The following PROS1 variants were observed in gnomAD, a reference collection of about 807,000 sequenced individuals.
PROS1 encodes protein S, also known as vitamin K-dependent protein S.
A neutral mutation model predicts 75.9 loss-of-function variants in PROS1; 29 were observed. The ratio of observed to expected loss-of-function variants is 0.38; its 90% CI spans 0.28 to 0.52. The LOEUF (loss-of-function observed/expected upper bound fraction) is 0.52, where lower values mean the gene tolerates loss of function less well. PROS1 is among the 20% of genes least tolerant of loss of function. PROS1 has a pLI of 0.83. For synonymous variants in PROS1, 245 were observed against 280.6 expected, an observed-to-expected ratio of 0.87 and a Z score of 1.27; for missense variants, 680 against 810.3, an observed-to-expected ratio of 0.84 and a Z score of 1.95.
intron 3 of PROS1, among the ~76,000 whole-genome samples, chr3:93,919,925 T>G (rs908290505): frequency 7.9e-5 from 12 of 152,346 alleles, no homozygotes; most frequent in Admixed American, 7.8e-4. Context: ...TTCAGTTTCA[T>G]GTTCTGAAAA....
intron 1 of PROS1, among the ~76,000 whole-genome samples, chr3:93,956,557 C>A (rs866864806): frequency 5.2e-4 from 41 of 78,206 alleles, no homozygotes; most frequent in South Asian, 8.2e-4. Flanking sequence ...CACACACACA[C>A]ACACAAACAC....
rs145838801 is a variant in PROS1 at position 93,891,513 on chromosome 3, C to T, written c.1155+1420G>A. 5.8e-3 allele frequency among the ~76,000 whole-genome samples: 876 copies of T among 152,174 alleles called. 6 individuals carry two copies. Among genetic ancestry groups the T allele is most frequent in the African/African-American group, 0.019 (808 of 41,542 alleles). On this transcript the variant is annotated intron_variant, in intron 10 of 14. Coordinates refer to ENST00000394236, the MANE Select transcript of PROS1 (RefSeq NM_000313.4). ...CGTGATCTCGGCTCACTGCAACCTC[C>T]GCCTCCTGGGTTTAAATGATTCTCC...
intron 3 of PROS1, among the ~76,000 whole-genome samples, chr3:93,917,151 T>G (rs1325693171): frequency 2.0e-5 from 3 of 152,232 alleles, no homozygotes. Context: ...CGCTGGTGTT[T>G]GAAAATCCCA....
At chr3:93,898,590 G>C (rs774781117) in intron 7 of PROS1, 21 bp from the exon 8 acceptor site, 1 of 1,610,014 alleles carries the variant, frequency 6.2e-7, no homozygotes, top group Admixed American at 1.7e-5. Flanking sequence ...AAAAACACAC[G>C]CACACAAACT....
intron 11 of PROS1, 68 bp from the exon 12 acceptor site, chr3:93,884,964 G>T: frequency 7.6e-7 from 1 of 1,310,970 alleles, no homozygotes; most frequent in Non-Finnish European, 1.1e-6. Flanking sequence ...TATGAGTATA[G>T]GTTTTCATTA....
chr3:93,886,980 G>A (rs892135015), intron 10 of PROS1, among the ~76,000 whole-genome samples: 2 of 149,870 alleles, frequency 1.3e-5, no homozygotes, highest in African/African-American at 4.9e-5. Flanking sequence ...CTGCAGTGGC[G>A]CAATCTCGGC....
intron 12 of PROS1, among the ~76,000 whole-genome samples, chr3:93,884,095 T>G (rs1041881299): frequency 2.6e-5 from 4 of 152,196 alleles, no homozygotes; most frequent in African/African-American, 4.8e-5. Context: ...ATGTGCTCAT[T>G]TCCAGACACA....
chr3:93,907,981 T>A (rs1009698354), intron 4 of PROS1, among the ~76,000 whole-genome samples: 4 of 151,814 alleles, frequency 2.6e-5, no homozygotes, highest in Non-Finnish European at 5.9e-5. Context: ...AACCCTGTCT[T>A]TACGAAAAAT....
intron 1 of PROS1, 113 bp downstream of exon 1, chr3:93,973,561 A>C: frequency 4.5e-6 from 5 of 1,108,726 alleles, no homozygotes; most frequent in Non-Finnish European, 6.7e-6. Context: ...GTCGGTACTT[A>C]CTGGAAACTT....
At chr3:93,948,500 C>A (rs779853287) in intron 1 of PROS1, among the ~76,000 whole-genome samples, 16 of 152,124 alleles carry the variant, frequency 1.1e-4, no homozygotes, top group Non-Finnish European at 1.9e-4. Flanking sequence ...CTAATGTTGA[C>A]AATGGGGTGT....
intron 1 of PROS1, among the ~76,000 whole-genome samples, chr3:93,929,795 T>A (rs1423026216): frequency 6.6e-6 from 1 of 152,248 alleles, no homozygotes; most frequent in Non-Finnish European, 1.5e-5. Context: ...TAATACAGCT[T>A]TTTAATGAAA....
intron 14 of PROS1, among the ~76,000 whole-genome samples, chr3:93,875,487 A>G (rs1352490796): frequency 6.6e-6 from 1 of 152,142 alleles, no homozygotes; most frequent in Non-Finnish European, 1.5e-5. Context: ...TACTTCTTTT[A>G]AACTCTTTGT....
chr3:93,892,810 A>C, intron 10 of PROS1, 123 bp downstream of exon 10: 2 of 837,134 alleles, frequency 2.4e-6, no homozygotes, highest in Non-Finnish European at 4.1e-6. Context: ...TATGTAGAAT[A>C]TACCTCATAT....
chr3:93,880,704 C>T (rs146085345), intron 12 of PROS1, among the ~76,000 whole-genome samples: 2 of 152,120 alleles, frequency 1.3e-5, no homozygotes, highest in South Asian at 4.2e-4. Flanking sequence ...GAATATTAAA[C>T]TCAAACTAAA....
At chr3:93,877,436 C>T (rs1708207581) in intron 13 of PROS1, among the ~76,000 whole-genome samples, 1 of 152,082 alleles carries the variant, frequency 6.6e-6, no homozygotes, top group African/African-American at 2.4e-5. Context: ...TAAATGTATA[C>T]TGGTTTCTGA....
At chr3:93,936,880 T>C (rs1709192111) in intron 1 of PROS1, among the ~76,000 whole-genome samples, 5 of 152,172 alleles carry the variant, frequency 3.3e-5, no homozygotes, top group African/African-American at 1.2e-4. Context: ...TGTTTAAAAA[T>C]TTTAAGGAGT....
chr3:93,902,566 A>G (rs1039100453), intron 6 of PROS1, among the ~76,000 whole-genome samples: 1 of 152,054 alleles, frequency 6.6e-6, no homozygotes, highest in African/African-American at 2.4e-5. Context: ...CAGCCTGGTC[A>G]ACATGGCAAA....
intron 1 of PROS1, chr3:93,967,852 G>T (rs1709814057): frequency 6.6e-6 from 1 of 152,146 alleles, no homozygotes; most frequent in African/African-American, 2.4e-5. Flanking sequence ...TTGTGCTACT[G>T]CACTCCTCCA....
At chr3:93,962,169 T>C (rs1709717186) in intron 1 of PROS1, among the ~76,000 whole-genome samples, 3 of 152,056 alleles carry the variant, frequency 2.0e-5, no homozygotes, top group Non-Finnish European at 4.4e-5. Context: ...CTGAGCTTAG[T>C]TAGCAGCTCT....
Sources: gnomAD v4.1 joint callset for allele counts (sites outside exome capture counted in the v4.1 genomes callset) on GRCh38, gnomAD v4.1.1 for gene constraint, MANE v1.5 for transcripts, NCBI Gene and HGNC (gene_info 2026-07-23, HGNC 2026-07-21) for gene names.